The following ZFAND3 variants were observed in gnomAD, a reference collection of about 807,000 sequenced individuals.
ZFAND3 encodes the protein AN1-type zinc finger protein 3.
In ZFAND3, 10 loss-of-function variants were observed where a neutral mutation model predicts 29.6. The observed-to-expected ratio is 0.34, with a 90% CI of 0.21 to 0.57. The LOEUF is 0.57. Among genes scored for constraint, ZFAND3 ranks in the 20% least tolerant of loss-of-function variants. The pLI is 0.86. For missense variants in ZFAND3, 230 were observed against 304.5 expected (o/e 0.76, Z 1.82); for synonymous variants, 128 against 112.6 (o/e 1.14, Z -0.87).
intron 1 of ZFAND3, among the ~76,000 whole-genome samples, chr6:37,843,378 T>C (rs1764115087): frequency 1.3e-5 from 2 of 151,876 alleles, no homozygotes; most frequent in Admixed American, 6.6e-5. Flanking sequence ...TCCCAGCTAC[T>C]TGGGAGGCTG....
At chr6:37,963,417 A>G (rs752769550) in intron 2 of ZFAND3, among the ~76,000 whole-genome samples, 2 of 152,178 alleles carry the variant, frequency 1.3e-5, no homozygotes, top group Non-Finnish European at 2.9e-5. Context: ...ATAAATAACA[A>G]TGCATCTTAA....
chr6:37,895,929 G>GTGCTA (rs1310069951), intron 1 of ZFAND3, among the ~76,000 whole-genome samples: 2 of 152,134 alleles, frequency 1.3e-5, no homozygotes, highest in African/African-American at 2.4e-5. Flanking sequence ...TCTACCCTGT[G>GTGCTA]TCCTATGAAT....
intron 2 of ZFAND3, among the ~76,000 whole-genome samples, chr6:38,060,819 G>A (rs1478360722): frequency 1.3e-5 from 2 of 151,994 alleles, no homozygotes; most frequent in Non-Finnish European, 2.9e-5. Flanking sequence ...TGGGAGATTG[G>A]CTACAGGACT....
intron 1 of ZFAND3, among the ~76,000 whole-genome samples, chr6:37,823,618 CGTG>C (rs1763705895): frequency 2.0e-5 from 3 of 152,116 alleles, no homozygotes; most frequent in African/African-American, 2.4e-5. Context: ...GCTTGTAACA[CGTG>C]GTTCCAGTTC....
At chr6:37,869,333 A>AT (rs1227896198) in intron 1 of ZFAND3, among the ~76,000 whole-genome samples, 1 of 151,600 alleles carries the variant, frequency 6.6e-6, no homozygotes, top group Non-Finnish European at 1.5e-5. Flanking sequence ...TAGTTTCTGT[A>AT]TTTTTAGTAG....
chr6:37,857,377 G>A (rs1764404051), intron 1 of ZFAND3, among the ~76,000 whole-genome samples: 1 of 152,074 alleles, frequency 6.6e-6, no homozygotes, highest in Admixed American at 6.6e-5. Context: ...ATACAAGTGA[G>A]TCTGAAAAAC....
intron 4 of ZFAND3, among the ~76,000 whole-genome samples, chr6:38,095,635 AAG>A (rs1764963291): frequency 6.6e-6 from 1 of 152,092 alleles, no homozygotes; most frequent in Non-Finnish European, 1.5e-5. Context: ...ATACACCCCC[AAG>A]TTAGTGCCTA....
At chr6:37,820,111 C>A in intron 1 of ZFAND3, 95 bp downstream of exon 1, 1 of 705,414 alleles carries the variant, frequency 1.4e-6, no homozygotes, top group Non-Finnish European at 1.7e-6. Context: ...AGGCCGGAAC[C>A]TTGGAGGCTG....
intron 5 of ZFAND3, among the ~76,000 whole-genome samples, chr6:38,131,364 TA>T (rs1765738059): frequency 6.6e-6 from 1 of 152,244 alleles, no homozygotes; most frequent in Non-Finnish European, 1.5e-5. Context: ...GGAGTACTTC[TA>T]AGAAGTGTGG....
chr6:38,084,225 T>C (rs928126045), intron 4 of ZFAND3, among the ~76,000 whole-genome samples: 1 of 152,144 alleles, frequency 6.6e-6, no homozygotes, highest in African/African-American at 2.4e-5. Context: ...ATGGAAAAAA[T>C]GAAACATATA....
At chr6:38,083,789 G>A (rs1764709357) in intron 4 of ZFAND3, among the ~76,000 whole-genome samples, 2 of 152,072 alleles carry the variant, frequency 1.3e-5, no homozygotes, top group African/African-American at 4.8e-5. Context: ...GCTGAAACAA[G>A]CAGGAAACTC....
chr6:38,049,060 C>A (rs1156516912), intron 2 of ZFAND3, among the ~76,000 whole-genome samples: 2 of 152,100 alleles, frequency 1.3e-5, no homozygotes, highest in African/African-American at 4.8e-5. Flanking sequence ...CTTACACTTG[C>A]CAGTTAGCCA....
At chr6:38,132,711 A>G (rs1765765539) in intron 5 of ZFAND3, among the ~76,000 whole-genome samples, 1 of 152,218 alleles carries the variant, frequency 6.6e-6, no homozygotes, top group South Asian at 2.1e-4. Context: ...CCTGGCAGGT[A>G]GTCCCACTGT....
At chr6:37,823,616 C>CA (rs1444858962) in intron 1 of ZFAND3, among the ~76,000 whole-genome samples, 1 of 152,178 alleles carries the variant, frequency 6.6e-6, no homozygotes, top group African/African-American at 2.4e-5. Flanking sequence ...GTGCTTGTAA[C>CA]ACGTGGTTCC....
chr6:37,962,347 T>A (rs1464262408), intron 2 of ZFAND3, among the ~76,000 whole-genome samples: 1 of 152,162 alleles, frequency 6.6e-6, no homozygotes. Context: ...CTACAGGATC[T>A]AGAGAATAGC....
At position 37,930,764 on chromosome 6, in the gene ZFAND3, G is replaced by A. The variant is rs915640296; in HGVS notation, c.112+765G>A. On this transcript the variant is annotated intron_variant, in intron 2 of 5. Coordinates refer to ENST00000287218, the MANE Select transcript of ZFAND3 (RefSeq NM_021943.3). ...CTTTTTAAAAAACTTTCTATCTAGC[G>A]ATCCTATATAAATAAGTCTTTGCTA... Among the ~76,000 whole-genome samples, 13 of 152,070 alleles carry A rather than the reference G, an allele frequency of 8.5e-5. 1 individual carries two copies. The highest frequency in any genetic ancestry group is 7.2e-4 in the Admixed American group (11 of 15,270).
chr6:38,132,186 T>G (rs1191944015), intron 5 of ZFAND3, among the ~76,000 whole-genome samples: 3 of 152,186 alleles, frequency 2.0e-5, no homozygotes, highest in Non-Finnish European at 4.4e-5. Flanking sequence ...AAATAAAACC[T>G]GTGTTTGTAT....
At chr6:38,125,889 T>G (rs1315326427) in intron 5 of ZFAND3, among the ~76,000 whole-genome samples, 1 of 152,214 alleles carries the variant, frequency 6.6e-6, no homozygotes, top group African/African-American at 2.4e-5. Context: ...TGAGTTTTAT[T>G]ACTTTTTTAT....
intron 1 of ZFAND3, among the ~76,000 whole-genome samples, chr6:37,914,865 A>G (rs1017064797): frequency 2.0e-5 from 3 of 150,902 alleles, no homozygotes; most frequent in African/African-American, 4.9e-5. Flanking sequence ...ACTGGCTTCA[A>G]CTTAAAGTCA....
Sources: gnomAD v4.1 joint callset for allele counts (sites outside exome capture counted in the v4.1 genomes callset) on GRCh38, gnomAD v4.1.1 for gene constraint, MANE v1.5 for transcripts, NCBI Gene and HGNC (gene_info 2026-07-23, HGNC 2026-07-21) for gene names.